The following NTN1 variants were observed in gnomAD, a reference collection of about 807,000 sequenced individuals.
The protein encoded by NTN1 is netrin-1.
NTN1 carries 11 observed loss-of-function variants against 54.2 expected under a neutral mutation model. The observed-to-expected ratio is 0.20, with a 90% CI of 0.13 to 0.34. The LOEUF (loss-of-function observed/expected upper bound fraction) is 0.34. Among genes scored for constraint, NTN1 ranks in the 10% least tolerant of loss-of-function variants. The probability of loss-of-function intolerance (pLI) is 1.00; values close to 1 mark genes in which losing one functional copy is unlikely to be tolerated. For missense variants in NTN1, 740 were observed against 893.1 expected (o/e 0.83, Z 2.18); for synonymous variants, 371 against 382.0 (o/e 0.97, Z 0.33).
intron 2 of NTN1, among the ~76,000 whole-genome samples, chr17:9,151,281 G>A (rs1488642759): frequency 6.6e-6 from 1 of 152,098 alleles, no homozygotes; most frequent in African/African-American, 2.4e-5. Context: ...AGCCCTATTA[G>A]TGGCCTGAAG....
intron 2 of NTN1, among the ~76,000 whole-genome samples, chr17:9,130,840 G>A (rs1329999096): frequency 6.6e-6 from 1 of 152,126 alleles, no homozygotes; most frequent in African/African-American, 2.4e-5. Flanking sequence ...ACGCCTGGTG[G>A]CGTGATGGTT....
chr17:9,174,587 G>T (rs1184147961), intron 3 of NTN1: 2 of 152,254 alleles, frequency 1.3e-5, no homozygotes, highest in African/African-American at 4.8e-5. Flanking sequence ...TCTTCTCCCT[G>T]TGTCTTCACA....
chr17:9,196,139 G>A (rs1022252206), intron 5 of NTN1, among the ~76,000 whole-genome samples: 5 of 152,196 alleles, frequency 3.3e-5, no homozygotes, highest in African/African-American at 9.6e-5. Context: ...GCCAGCAGCT[G>A]GGCAGGGCCT....
At chr17:9,215,570 T>C (rs1333302859) in intron 5 of NTN1, among the ~76,000 whole-genome samples, 1 of 152,226 alleles carries the variant, frequency 6.6e-6, no homozygotes, top group African/African-American at 2.4e-5. Context: ...TTGGAACATT[T>C]TGTGAGCCCT....
At chr17:9,226,459 CGTGGGG>C (rs1905559779) in intron 6 of NTN1, among the ~76,000 whole-genome samples, 4 of 54,002 alleles carry the variant, frequency 7.4e-5, no homozygotes, top group African/African-American at 3.9e-4. Flanking sequence ...GAGGCTGTCT[CGTGGGG>C]AGGCTGTCTC....
chr17:9,122,655 G>A (rs1366920034), intron 2 of NTN1, among the ~76,000 whole-genome samples: 1 of 152,144 alleles, frequency 6.6e-6, no homozygotes, highest in East Asian at 1.9e-4. Context: ...TATCTATTTG[G>A]TGTAGAAAAA....
chr17:9,154,354 A>T (rs191900169), intron 2 of NTN1, among the ~76,000 whole-genome samples: 56 of 152,358 alleles, frequency 3.7e-4, no homozygotes, highest in Admixed American at 2.8e-3. Context: ...ATGCTTTGAT[A>T]AATTCATGCC....
At chr17:9,118,670 A>AT (rs1470841387) in intron 2 of NTN1, among the ~76,000 whole-genome samples, 1 of 152,134 alleles carries the variant, frequency 6.6e-6, no homozygotes, top group East Asian at 1.9e-4. Context: ...CCAGTGCTGA[A>AT]CAACCACCGC....
chr17:9,139,787 C>G (rs867723494), intron 2 of NTN1, among the ~76,000 whole-genome samples: 8 of 152,026 alleles, frequency 5.3e-5, no homozygotes, highest in Admixed American at 2.6e-4. Flanking sequence ...ATCTACCTAC[C>G]TACCTACTCA....
chr17:9,127,311 A>T (rs1348823124), intron 2 of NTN1, among the ~76,000 whole-genome samples: 1 of 151,980 alleles, frequency 6.6e-6, no homozygotes, highest in Admixed American at 6.6e-5. Context: ...CCCCTGTGGG[A>T]TCCGTGTGGA....
At chr17:9,019,446 T>A (rs2151505024), upstream of NTN1, among the ~76,000 whole-genome samples, 1 of 152,356 alleles carries the variant, frequency 6.6e-6, no homozygotes, top group South Asian at 2.1e-4. Context: ...AGCGACCTCA[T>A]ACTAACAGCT....
chr17:9,132,842 C>G (rs902193573), intron 2 of NTN1, among the ~76,000 whole-genome samples: 2 of 152,188 alleles, frequency 1.3e-5, no homozygotes, highest in Non-Finnish European at 2.9e-5. Context: ...CCATTGCACT[C>G]TAGCCTGGGC....
intron 6 of NTN1, among the ~76,000 whole-genome samples, chr17:9,233,271 C>T (rs547259883): frequency 2.0e-5 from 3 of 152,232 alleles, no homozygotes; most frequent in South Asian, 4.1e-4. Context: ...GTGCTGCGGC[C>T]ACTCCCCCAG....
rs955683975 is a variant in NTN1, at chr17:9,221,571, T to A, written c.1486+329T>A. On this transcript the variant is annotated intron_variant, in intron 6 of 6. Coordinates refer to ENST00000173229, the MANE Select transcript of NTN1 (RefSeq NM_004822.3). The surrounding 1 kb of genome is among the most constrained non-coding windows in gnomAD (Gnocchi z 4.5). ...GGCTTTACCTCTGTGGTCTTCTGTG[T>A]CTGCATCATACTGCGGGGATTTGAC... 3.3e-5 allele frequency among the ~76,000 whole-genome samples: 5 copies of A among 152,208 alleles called. No individual in the cohort carries two copies. The highest frequency in any genetic ancestry group is 3.3e-4 in the Admixed American group (5 of 15,288).
At chr17:9,195,192 A>ACCCCCCCCC (rs3031881) in intron 5 of NTN1, among the ~76,000 whole-genome samples, 21 of 142,464 alleles carry the variant, frequency 1.5e-4, no homozygotes, top group South Asian at 9.2e-4. Flanking sequence ...GGCGAGCTCT[A>ACCCCCCCCC]CCACCCCTCC....
At chr17:9,053,164 G>A (rs149413728) in intron 2 of NTN1, among the ~76,000 whole-genome samples, 69 of 152,318 alleles carry the variant, frequency 4.5e-4, no homozygotes, top group African/African-American at 1.5e-3. Context: ...GTCTGTGGCC[G>A]CTTTCCATAC....
chr17:9,206,630 C>A lies in NTN1; in HGVS notation c.1412-14538C>A, dbSNP rs149420192. ...CGGGATGGGCTTCCAGGCCAGGCAG[C>A]CTGGGAGGGGATTTCATCCTCAGGA... On this transcript the variant is annotated intron_variant, in intron 5 of 6. Transcript: ENST00000173229. Among the ~76,000 whole-genome samples, 5 of 152,194 alleles carry A rather than the reference C, an allele frequency of 3.3e-5. No homozygotes were observed. In the South Asian group the frequency reaches 8.3e-4, roughly 25 times the overall value.
chr17:9,130,598 C>T (rs1438741632), intron 2 of NTN1, among the ~76,000 whole-genome samples: 1 of 152,160 alleles, frequency 6.6e-6, no homozygotes, highest in African/African-American at 2.4e-5. Flanking sequence ...GTCTGTTCTT[C>T]CAGACCTGCC....
At chr17:9,193,715 G>A (rs1904530890) in intron 5 of NTN1, among the ~76,000 whole-genome samples, 1 of 151,686 alleles carries the variant, frequency 6.6e-6, no homozygotes, top group Non-Finnish European at 1.5e-5. Flanking sequence ...CTGAGGTCGG[G>A]AGTTTGAGAC....
Sources: gnomAD v4.1 joint callset for allele counts (sites outside exome capture counted in the v4.1 genomes callset) on GRCh38, gnomAD v4.1.1 for gene constraint, Gnocchi (gnomAD v3.1) non-coding constraint, MANE v1.5 for transcripts, NCBI Gene and HGNC (gene_info 2026-07-23, HGNC 2026-07-21) for gene names.